The following SPAST variants were observed in gnomAD, a reference collection of about 807,000 sequenced individuals.
The protein encoded by SPAST is spastic paraplegia 4 (autosomal dominant; spastin).
Under a neutral mutation model 76.6 loss-of-function variants are expected in SPAST, and 30 were observed. The observed-to-expected ratio is 0.39, with a 90% confidence interval of 0.29 to 0.53. The LOEUF (loss-of-function observed/expected upper bound fraction) is 0.53, where lower values mean the gene tolerates loss of function less well. Among genes scored for constraint, SPAST ranks in the 20% least tolerant of loss-of-function variants. The pLI is 0.68. For synonymous variants in SPAST, 305 were observed against 281.0 expected (o/e 1.09, Z -0.86); for missense variants, 717 against 770.5 (o/e 0.93, Z 0.82).
chr2:32,137,237 A>G (rs1353188401), intron 12 of SPAST, 49 bp downstream of exon 12: 1 of 1,301,992 alleles, frequency 7.7e-7, no homozygotes, highest in South Asian at 1.2e-5. Context: ...GACAATATTT[A>G]CTCATGTGTC....
At chr2:32,070,494 A>G (rs1237527456) in intron 1 of SPAST, among the ~76,000 whole-genome samples, 2 of 152,240 alleles carry the variant, frequency 1.3e-5, no homozygotes, top group Admixed American at 1.3e-4. Context: ...TCTATTTATT[A>G]AAGCAAATAT....
In SPAST at chr2:32,114,245, T is replaced by TA. The variant is rs556636418; in HGVS notation, c.683-385dup. On this transcript the variant is annotated intron_variant, in intron 4 of 16. Transcript: ENST00000315285. ...CATAGTGAGTGAGACCCTGTTTCTA[T>TA]AAAAAAAATTTTTAATTAGTCCGGT... Among the ~76,000 whole-genome samples, 1,464 of 152,058 alleles carry TA rather than the reference T, an allele frequency of 9.6e-3. 28 individuals carry two copies. Among genetic ancestry groups the TA allele is most frequent in the South Asian group, 0.049 (237 of 4,820 alleles).
In SPAST at chr2:32,087,574, A is replaced by G; in HGVS notation, c.498A>G (p.Gly166=). The change falls in exon 2 of 17, where the codon GGA becomes GGG. Residue 166 remains glycine, a synonymous_variant. Coordinates refer to ENST00000315285, the MANE Select transcript of SPAST (RefSeq NM_014946.4). The part of the protein sequence containing the change: ...LEKGIAVIVT[G]QGEQCERARR... ...AAGGAATAGCTGTTATAGTTACAGGACAAGGTAAGATTGTATTTGTTTATA... is the reference window on the plus strand; with the variant it reads ...AAGGAATAGCTGTTATAGTTACAGGGCAAGGTAAGATTGTATTTGTTTATA... 2 of 1,569,066 alleles carry G rather than the reference A, an allele frequency of 1.3e-6. No homozygotes were observed. The highest frequency in any genetic ancestry group is 1.8e-6 in the Non-Finnish European group (2 of 1,140,878).
At chr2:32,084,238 G>A (rs1417220316) in intron 1 of SPAST, among the ~76,000 whole-genome samples, 2 of 151,378 alleles carry the variant, frequency 1.3e-5, no homozygotes, top group African/African-American at 4.9e-5. Flanking sequence ...GTGGCTCACT[G>A]CAAGCTCTGC....
At chr2:32,094,280 G>A (rs188786775) in intron 3 of SPAST, among the ~76,000 whole-genome samples, 395 of 152,138 alleles carry the variant, frequency 2.6e-3, no homozygotes, top group Admixed American at 4.8e-3. Flanking sequence ...GTGCAATGGC[G>A]TGATCTCGGC....
Position 32,150,542 on chromosome 2 carries a change from ATCC to A in SPAST, c.1728+3289_1728+3291del, listed in dbSNP as rs373803680. On this transcript the variant is annotated intron_variant, in intron 16 of 16. Transcript: ENST00000315285. ...ACCCTCTAGCTCCTGGGCTCAGGCA[ATCC>A]TCCTGCCTCAGCCTTTTGAGTTGCT... is the stretch of plus-strand genomic sequence containing the variant. Among the ~76,000 whole-genome samples, 1,327 of 151,728 alleles carry A rather than the reference ATCC, an allele frequency of 8.7e-3. 21 individuals are homozygous for A. Among genetic ancestry groups the A allele is most frequent in the South Asian group, 0.049 (236 of 4,794 alleles).
chr2:32,080,100 A>C (rs1440282504), intron 1 of SPAST, among the ~76,000 whole-genome samples: 1 of 152,110 alleles, frequency 6.6e-6, no homozygotes. Flanking sequence ...TCATTTTTTA[A>C]AATAATAGTC....
rs781222498 is a variant in SPAST at position 32,063,868 on chromosome 2, T to C, written c.37T>C (p.Ser13Pro). ...SPGGRGKKKG[S>P]GGASNPVPPR... ...GGGTGGACGAGGGAAGAAGAAAGGC[T>C]CCGGCGGCGCCAGCAACCCGGTGCC... Residue 13 changes from serine (S) to proline (P), a missense_variant, in exon 1 of 17, where the codon TCC becomes CCC. Physicochemically the swap from Ser to Pro is moderately conservative, Grantham distance 74. Coordinates refer to ENST00000315285, the MANE Select transcript of SPAST (RefSeq NM_014946.4). 5 of 1,585,292 alleles carry C rather than the reference T, an allele frequency of 3.2e-6. No homozygotes were observed. Among genetic ancestry groups the C allele is most frequent in the East Asian group, 2.3e-5 (1 of 43,890 alleles).
chr2:32,133,710 C>CAAA (rs1679444088), intron 9 of SPAST, among the ~76,000 whole-genome samples: 2 of 149,314 alleles, frequency 1.3e-5, no homozygotes, highest in African/African-American at 4.9e-5. Flanking sequence ...GTGTTTTTTC[C>CAAA]ACACCGTCTT....
intron 15 of SPAST, among the ~76,000 whole-genome samples, chr2:32,145,600 T>A (rs899151089): frequency 6.6e-6 from 1 of 152,256 alleles, no homozygotes; most frequent in Non-Finnish European, 1.5e-5. Flanking sequence ...TGACATCATT[T>A]GAAATTAATG....
chr2:32,067,480 A>G (rs988324014), intron 1 of SPAST, among the ~76,000 whole-genome samples: 6 of 152,148 alleles, frequency 3.9e-5, no homozygotes, highest in African/African-American at 1.4e-4. Flanking sequence ...GATTTGAAGA[A>G]ATAGCAGTTC....
At chr2:32,121,528 T>G (rs1679019124) in intron 7 of SPAST, among the ~76,000 whole-genome samples, 1 of 147,620 alleles carries the variant, frequency 6.8e-6, no homozygotes, top group South Asian at 2.1e-4. Context: ...TTGTTTCATC[T>G]TTCTCACTTT....
rs70938323 is a variant in SPAST, at chr2:32,126,469, C to CTTTTT, written c.1099-454_1099-450dup. 1.4e-3 allele frequency: 54 copies of CTTTTT among 38,706 alleles called. 3 individuals carry two copies. The highest frequency in any genetic ancestry group is 1.9e-3 in the Non-Finnish European group (40 of 21,008). 2.4% of individuals were successfully genotyped at this position (38,706 alleles called of 1,614,324 possible). A position where few individuals can be genotyped will look rare whatever the true frequency, so the allele number is the denominator to read the frequency against. On this transcript the variant is annotated intron_variant, in intron 7 of 16. Transcript: ENST00000315285. ...TACCACCGAGGAGTTGGTTTTATTTCTTTTTTTTTTTTTTTTTTTTTTTTT... is the reference window on the plus strand; with the variant it reads ...TACCACCGAGGAGTTGGTTTTATTTCTTTTTTTTTTTTTTTTTTTTTTTTTTTTTT...
chr2:32,069,227 AAAAG>A (rs1020788779), intron 1 of SPAST, among the ~76,000 whole-genome samples: 23 of 151,938 alleles, frequency 1.5e-4, no homozygotes, highest in Non-Finnish European at 2.2e-4. Context: ...AAAAAAAAAA[AAAAG>A]AAAACTGAGT....
chr2:32,148,875 G>A (rs1257452229), intron 16 of SPAST, among the ~76,000 whole-genome samples: 2 of 150,670 alleles, frequency 1.3e-5, no homozygotes, highest in African/African-American at 4.9e-5. Context: ...TTGGGAAGCT[G>A]AGGCAGGAGA....
Position 32,155,334 on chromosome 2 carries a change from G to A in SPAST, c.*838G>A, listed in dbSNP as rs1479765509. ...TTCTTCCTGATGGAATTTATTTTCT[G>A]CAAGAATTATTCTGATATTTAAGAG... On this transcript the variant is annotated 3_prime_UTR_variant, in exon 17 of 17. Coordinates refer to ENST00000315285, the MANE Select transcript of SPAST (RefSeq NM_014946.4). 2 of 152,290 alleles carry A rather than the reference G, an allele frequency of 1.3e-5. No homozygotes were observed. The highest frequency in any genetic ancestry group is 2.9e-5 in the Non-Finnish European group (2 of 67,966). 9.4% of individuals were successfully genotyped at this position (152,290 alleles called of 1,614,324 possible). A position where few individuals can be genotyped will look rare whatever the true frequency, so the allele number is the denominator to read the frequency against.
chr2:32,147,344 GGTTT>G, intron 16 of SPAST, 86 bp downstream of exon 16: 61 of 266,120 alleles, frequency 2.3e-4, no homozygotes, highest in South Asian at 7.3e-4. Context: ...GTGTGTGTGT[GGTTT>G]TTTTTTTTTT....
At chr2:32,145,413 C>T (rs879183899) in intron 15 of SPAST, among the ~76,000 whole-genome samples, 2 of 152,230 alleles carry the variant, frequency 1.3e-5, no homozygotes, top group Admixed American at 1.3e-4. Context: ...CCATTCTTAG[C>T]TCACAGATCA....
intron 4 of SPAST, among the ~76,000 whole-genome samples, chr2:32,102,740 G>C (rs1678175437): frequency 6.6e-6 from 1 of 152,214 alleles, no homozygotes; most frequent in Non-Finnish European, 1.5e-5. Context: ...TGTGGTTTTT[G>C]TCTTTGGTTC....
Sources: allele counts gnomAD v4.1 joint callset (sites outside exome capture counted in the v4.1 genomes callset), GRCh38; gene constraint gnomAD v4.1.1; transcripts MANE v1.5; gene names NCBI Gene and HGNC (gene_info 2026-07-23, HGNC 2026-07-21).